Variants in CSMD1 observed in about 807,000 individuals in gnomAD.
CSMD1 encodes the protein CUB and sushi domain-containing protein 1.
Under a neutral mutation model 417.5 loss-of-function variants are expected in CSMD1, and 213 were observed. That is an observed-to-expected ratio of 0.51 (90% CI 0.46 to 0.57). CSMD1 has a LOEUF of 0.57. Among genes scored for constraint, CSMD1 ranks in the 20% least tolerant of loss-of-function variants. The pLI, the probability that CSMD1 is intolerant of heterozygous loss-of-function variation, is 0.00. For missense variants in CSMD1, 6,923 were observed against 4,529.7 expected (o/e 1.53, Z -15.17); for synonymous variants, 2,862 against 1,736.8 (o/e 1.65, Z -16.11).
intron 57 of CSMD1, among the ~76,000 whole-genome samples, chr8:2,972,270 C>G (rs1244773024): frequency 1.3e-5 from 2 of 152,136 alleles, no homozygotes; most frequent in Non-Finnish European, 2.9e-5. Context: ...AGTTAAATTT[C>G]TCACATTGAT....
Position 4,333,672 on chromosome 8 carries a change from C to T in CSMD1, c.415+86281G>A, listed in dbSNP as rs543304247. Among the ~76,000 whole-genome samples the T allele has an allele frequency of 5.3e-5, 8 of 152,186 alleles. No homozygotes were observed. The South Asian group carries it at 1.7e-3, about 32-fold the overall frequency. ...CTGAGAACACATCATTTTATAAGTG[C>T]TTTTCTACGATACCATTTAATGAGA... On this transcript the variant is annotated intron_variant, in intron 3 of 69. Coordinates refer to ENST00000635120, the MANE Select transcript of CSMD1 (RefSeq NM_033225.6).
At chr8:3,933,198 C>G (rs1268907018) in intron 5 of CSMD1, among the ~76,000 whole-genome samples, 2 of 135,594 alleles carry the variant, frequency 1.5e-5, no homozygotes, top group African/African-American at 5.5e-5. Context: ...TCCATTTTTT[C>G]CAAAACAATT....
chr8:4,784,172 A>T (rs559029572), intron 1 of CSMD1, among the ~76,000 whole-genome samples: 1 of 152,242 alleles, frequency 6.6e-6, no homozygotes, highest in African/African-American at 2.4e-5. Flanking sequence ...GTACTCAAGT[A>T]AAAGTTTGTT....
chr8:4,466,121 G>C (rs1415901361), intron 2 of CSMD1, among the ~76,000 whole-genome samples: 2 of 152,166 alleles, frequency 1.3e-5, no homozygotes, highest in Middle Eastern at 3.2e-3. Flanking sequence ...TAAATGGGAG[G>C]ATAGTTTTAT....
chr8:3,895,982 A>G (rs1295325924), intron 5 of CSMD1, among the ~76,000 whole-genome samples: 1 of 152,210 alleles, frequency 6.6e-6, no homozygotes, highest in African/African-American at 2.4e-5. Context: ...AACCTCCCCT[A>G]TTACTGTAAA....
chr8:3,719,610 G>A (rs891812325), intron 6 of CSMD1, among the ~76,000 whole-genome samples: 2 of 152,144 alleles, frequency 1.3e-5, no homozygotes, highest in African/African-American at 4.8e-5. Flanking sequence ...GAACGAAAAA[G>A]ATGCTCTATG....
intron 3 of CSMD1, among the ~76,000 whole-genome samples, chr8:4,048,378 G>C (rs536186913): frequency 6.6e-6 from 1 of 152,246 alleles, no homozygotes; most frequent in Non-Finnish European, 1.5e-5. Flanking sequence ...AGCTAACACA[G>C]ACAATGCTTC....
At chr8:4,613,976 T>C (rs1051145251) in intron 2 of CSMD1, among the ~76,000 whole-genome samples, 5 of 152,142 alleles carry the variant, frequency 3.3e-5, no homozygotes, top group East Asian at 1.9e-4. Context: ...GGAATCTTCA[T>C]GGAAAATAAA....
intron 26 of CSMD1, among the ~76,000 whole-genome samples, chr8:3,246,310 C>T (rs560246599): frequency 5.3e-4 from 81 of 152,252 alleles, no homozygotes; most frequent in African/African-American, 1.5e-3. Context: ...ACTGGCTACA[C>T]GGTTCCCTGA....
chr8:3,242,481 G>A (rs927576752), intron 26 of CSMD1, among the ~76,000 whole-genome samples: 1 of 152,050 alleles, frequency 6.6e-6, no homozygotes, highest in Non-Finnish European at 1.5e-5. Flanking sequence ...CAGACCATTT[G>A]CCCATTCTAT....
intron 5 of CSMD1, among the ~76,000 whole-genome samples, chr8:3,805,789 T>A (rs1452773513): frequency 1.3e-5 from 2 of 152,314 alleles, no homozygotes; most frequent in Admixed American, 6.5e-5. Flanking sequence ...TTGTGAGTCA[T>A]CTCATTCACT....
intron 5 of CSMD1, 111 bp downstream of exon 5, chr8:3,997,792 A>G: frequency 1.1e-6 from 1 of 941,666 alleles, no homozygotes; most frequent in Non-Finnish European, 1.6e-6. Context: ...AAAAAGGAAC[A>G]CACATGCTTG....
rs575779491 is a variant in CSMD1 at position 4,179,438 on chromosome 8, T to G, written c.416-147339A>C. Among the ~76,000 whole-genome samples, 5 of 152,062 alleles carry G rather than the reference T, an allele frequency of 3.3e-5. No homozygotes were observed. The South Asian group carries it at 1.0e-3, about 32-fold the overall frequency. On this transcript the variant is annotated intron_variant, in intron 3 of 69. Coordinates refer to ENST00000635120, the MANE Select transcript of CSMD1 (RefSeq NM_033225.6). Reference sequence around the variant, plus strand: ...ATACAAAAATCAATTCAAGATGGATTAAAGACTTAAACGTTAGACCTAAAA... The same window carrying G: ...ATACAAAAATCAATTCAAGATGGATGAAAGACTTAAACGTTAGACCTAAAA...
rs1812951069 is a variant in CSMD1, at chr8:3,413,614, T to C, written c.1562-4009A>G. On this transcript the variant is annotated intron_variant, in intron 12 of 69. Coordinates refer to ENST00000635120, the MANE Select transcript of CSMD1 (RefSeq NM_033225.6). ...ATGATTATGCCAGCGATGTTTCATTTGGGGGAACTATCTTGGAATATTTTG... is the reference window on the plus strand; with the variant it reads ...ATGATTATGCCAGCGATGTTTCATTCGGGGGAACTATCTTGGAATATTTTG... 2.6e-5 allele frequency among the ~76,000 whole-genome samples: 4 copies of C among 152,196 alleles called. No individual in the cohort carries two copies. In the South Asian group the frequency reaches 8.3e-4, roughly 32 times the overall value.
intron 8 of CSMD1, among the ~76,000 whole-genome samples, chr8:3,593,423 G>A (rs533725700): frequency 1.3e-5 from 2 of 152,178 alleles, no homozygotes; most frequent in East Asian, 3.9e-4. Flanking sequence ...TGCCTCCAGG[G>A]CAGAGGCCTA....
chr8:3,337,526 T>A (rs1807348155), intron 23 of CSMD1, among the ~76,000 whole-genome samples: 2 of 152,158 alleles, frequency 1.3e-5, no homozygotes, highest in East Asian at 3.9e-4. Flanking sequence ...GTGTAAAGAA[T>A]GACAGAGGAT....
chr8:4,712,988 C>T (rs1022833430), intron 1 of CSMD1, among the ~76,000 whole-genome samples: 21 of 152,128 alleles, frequency 1.4e-4, no homozygotes, highest in Admixed American at 3.3e-4. Context: ...GAATTACTGG[C>T]AGTAATATTA....
intron 33 of CSMD1, among the ~76,000 whole-genome samples, chr8:3,191,431 G>T (rs907262170): frequency 6.6e-6 from 1 of 152,164 alleles, no homozygotes; most frequent in South Asian, 2.1e-4. Flanking sequence ...ACTCCAGCCT[G>T]GGTGAAAGAT....
At chr8:4,892,471 C>T (rs140290506) in intron 1 of CSMD1, among the ~76,000 whole-genome samples, 23 of 152,170 alleles carry the variant, frequency 1.5e-4, no homozygotes, top group East Asian at 9.6e-4. Context: ...CTTTTAATCA[C>T]GTTTTACTAA....
Sources: allele counts gnomAD v4.1 joint callset (sites outside exome capture counted in the v4.1 genomes callset), GRCh38; gene constraint gnomAD v4.1.1; transcripts MANE v1.5; gene names NCBI Gene and HGNC (gene_info 2026-07-23, HGNC 2026-07-21).